SV2C: variants seen among roughly 807,000 people sequenced by gnomAD.
The protein encoded by SV2C is solute carrier family 22 member B3.
SV2C carries 49 observed loss-of-function variants against 79.7 expected under a neutral mutation model. That is an observed-to-expected ratio of 0.61 (90% CI 0.49 to 0.78). The LOEUF (loss-of-function observed/expected upper bound fraction) is 0.78, where lower values mean the gene tolerates loss of function less well. Ranked by LOEUF, SV2C falls within the 30% of genes least tolerant of loss-of-function variation. SV2C has a pLI of 0.00. For missense variants in SV2C, 833 were observed against 912.9 expected, an observed-to-expected ratio of 0.91 and a Z score of 1.13; for synonymous variants, 334 against 333.2, an observed-to-expected ratio of 1.00 and a Z score of -0.03.
intron 1 of SV2C, among the ~76,000 whole-genome samples, chr5:76,127,466 G>C (rs1407088087): frequency 1.3e-5 from 2 of 152,186 alleles, no homozygotes; most frequent in African/African-American, 4.8e-5. Context: ...CGCTGTGAAC[G>C]TTGTTTGGTT....
the SV2C span, among the ~76,000 whole-genome samples, chr5:75,974,049 A>G: frequency 6.6e-6 from 1 of 152,040 alleles, no homozygotes; most frequent in Non-Finnish European, 1.5e-5. Flanking sequence ...AGATCAACTT[A>G]TAAATTCACT....
the SV2C span, among the ~76,000 whole-genome samples, chr5:75,965,922 A>G: frequency 6.6e-6 from 1 of 152,244 alleles, no homozygotes; most frequent in East Asian, 1.9e-4. Context: ...AAAGATTAAC[A>G]TTCACTATAA....
At chr5:76,063,123 A>C in the SV2C span, among the ~76,000 whole-genome samples, 5 of 152,090 alleles carry the variant, frequency 3.3e-5, no homozygotes, top group African/African-American at 1.2e-4. Flanking sequence ...AATATGTGAT[A>C]ATCTTTACCC....
At chr5:76,212,341 G>A (rs1744789767) in intron 4 of SV2C, among the ~76,000 whole-genome samples, 1 of 152,102 alleles carries the variant, frequency 6.6e-6, no homozygotes, top group Non-Finnish European at 1.5e-5. Flanking sequence ...TTCAAATAAG[G>A]GCTGCTCCAG....
At chr5:76,203,582 T>G (rs931005318) in intron 3 of SV2C, among the ~76,000 whole-genome samples, 1 of 152,156 alleles carries the variant, frequency 6.6e-6, no homozygotes, top group South Asian at 2.1e-4. Flanking sequence ...GTACTAAGTC[T>G]GCTACTGTGG....
intron 4 of SV2C, among the ~76,000 whole-genome samples, chr5:76,235,303 G>A (rs565170968): frequency 6.6e-6 from 1 of 152,178 alleles, no homozygotes; most frequent in African/African-American, 2.4e-5. Flanking sequence ...AAATGTCTTG[G>A]CAGCAAGGTA....
At chr5:76,349,239 C>A (rs564079362) in intron 12 of SV2C, among the ~76,000 whole-genome samples, 1 of 151,400 alleles carries the variant, frequency 6.6e-6, no homozygotes, top group Non-Finnish European at 1.5e-5. Flanking sequence ...AGGCCAAGCA[C>A]GGTGGCTCAC....
chr5:76,325,761 TTA>T lies in SV2C; in HGVS notation c.*216_*217del. The stretch of plus-strand genomic sequence containing the variant: ...TGTTTTGTTTTGTTTGAATGCATTG[TTA>T]TCTTTCCAAACTGTGATGCTACTGC... On this transcript the variant is annotated 3_prime_UTR_variant, in exon 13 of 13. Coordinates refer to ENST00000502798, the MANE Select transcript of SV2C (RefSeq NM_014979.4). 1 of 615,050 alleles carries T rather than the reference TTA, an allele frequency of 1.6e-6. No individual in the cohort carries two copies. Among genetic ancestry groups the T allele is most frequent in the South Asian group, 2.8e-5 (1 of 36,320 alleles). 38.1% of individuals were successfully genotyped at this position (615,050 alleles called of 1,614,324 possible).
At chr5:76,174,503 C>A (rs571298432) in intron 2 of SV2C, among the ~76,000 whole-genome samples, 2 of 152,322 alleles carry the variant, frequency 1.3e-5, no homozygotes, top group South Asian at 4.1e-4. Context: ...GAGAGAGATC[C>A]TGAATCTTCT....
chr5:76,263,367 T>A (rs1463098215), intron 4 of SV2C, among the ~76,000 whole-genome samples: 1 of 152,130 alleles, frequency 6.6e-6, no homozygotes, highest in Non-Finnish European at 1.5e-5. Flanking sequence ...TCTTTGCATG[T>A]GAGATGGGTC....
chr5:75,918,984 G>A, the SV2C span, among the ~76,000 whole-genome samples: 1 of 152,174 alleles, frequency 6.6e-6, no homozygotes, highest in African/African-American at 2.4e-5. Context: ...CTGATGCCCT[G>A]AAGTTTTAAA....
At chr5:76,295,706 A>G in intron 8 of SV2C, 72 bp from the exon 9 acceptor site, 2 of 1,478,158 alleles carry the variant, frequency 1.4e-6, no homozygotes, top group Non-Finnish European at 1.8e-6. Flanking sequence ...CCAGTCTGAA[A>G]ACATCAGGGA....
the SV2C span, among the ~76,000 whole-genome samples, chr5:75,948,484 A>T: frequency 6.6e-6 from 1 of 152,042 alleles, no homozygotes; most frequent in Non-Finnish European, 1.5e-5. Context: ...ACAAGAAAAG[A>T]GTAGGTAAAT....
chr5:75,995,452 G>A, the SV2C span, among the ~76,000 whole-genome samples: 1 of 152,018 alleles, frequency 6.6e-6, no homozygotes, highest in African/African-American at 2.4e-5. Flanking sequence ...GAACAGATTA[G>A]CACATGACTG....
chr5:76,103,979 C>A (rs1397381329), intron 1 of SV2C, among the ~76,000 whole-genome samples: 1 of 152,150 alleles, frequency 6.6e-6, no homozygotes, highest in Non-Finnish European at 1.5e-5. Flanking sequence ...AAAATACTAG[C>A]AAATTGAATC....
the SV2C span, among the ~76,000 whole-genome samples, chr5:75,864,302 C>T: frequency 6.8e-6 from 1 of 147,934 alleles, no homozygotes; most frequent in Admixed American, 6.9e-5. Flanking sequence ...ACTGCTTGTC[C>T]AGTGCCACTC....
At chr5:76,218,400 A>G (rs1411673735) in intron 4 of SV2C, among the ~76,000 whole-genome samples, 3 of 152,234 alleles carry the variant, frequency 2.0e-5, no homozygotes, top group African/African-American at 4.8e-5. Flanking sequence ...TGTGGCATAT[A>G]TACAACATGG....
At chr5:76,057,402 C>T in the SV2C span, among the ~76,000 whole-genome samples, 2,154 of 151,400 alleles carry the variant, frequency 0.014, 49 homozygotes, top group African/African-American at 0.045. Flanking sequence ...CAACAGGCCC[C>T]GGTGTGTGAT....
chr5:75,847,746 A>G, the SV2C span, among the ~76,000 whole-genome samples: 11 of 152,294 alleles, frequency 7.2e-5, no homozygotes, highest in South Asian at 2.1e-4. Context: ...TCTGTTCCCA[A>G]CCCCCAGAAT....
Sources: allele counts gnomAD v4.1 joint callset (sites outside exome capture counted in the v4.1 genomes callset), GRCh38; gene constraint gnomAD v4.1.1; transcripts MANE v1.5; gene names NCBI Gene and HGNC (gene_info 2026-07-23, HGNC 2026-07-21).